The following DOCK1 variants were observed in gnomAD, a reference collection of about 807,000 sequenced individuals.
The protein encoded by DOCK1 is dedicator of cytokinesis 1, also known as dedicator of cytokinesis protein 1.
In DOCK1, 138 loss-of-function variants were observed where a neutral mutation model predicts 262.7. That is an observed-to-expected ratio of 0.53 (90% CI 0.46 to 0.61). The LOEUF is 0.61. DOCK1 is among the 20% of genes least tolerant of loss of function. The pLI is 0.00. For synonymous variants in DOCK1, 866 were observed against 867.4 expected (o/e 1.00, Z 0.03); for missense variants, 1,908 against 2,370.7 (o/e 0.80, Z 4.05).
chr10:127,259,164 A>G (rs1221757419), intron 29 of DOCK1, among the ~76,000 whole-genome samples: 1 of 152,180 alleles, frequency 6.6e-6, no homozygotes, highest in Non-Finnish European at 1.5e-5. Flanking sequence ...GCATTGCTGT[A>G]GCCTTAGCTC....
chr10:126,955,992 CAGGTCTGGTCAAGTCGGG>C (rs1191728822), intron 1 of DOCK1, among the ~76,000 whole-genome samples: 2 of 152,272 alleles, frequency 1.3e-5, no homozygotes, highest in African/African-American at 4.8e-5. Flanking sequence ...GCAGGCAGCC[CAGGTCTGGTCAAGTCGGG>C]AGCCTTGGCT....
chr10:127,011,677 T>C (rs1223140116), intron 11 of DOCK1, among the ~76,000 whole-genome samples: 1 of 152,034 alleles, frequency 6.6e-6, no homozygotes, highest in Non-Finnish European at 1.5e-5. Flanking sequence ...AGTGGTGTTC[T>C]CCACACACGG....
chr10:126,998,303 T>C (rs1412200743), intron 8 of DOCK1, 54 bp downstream of exon 8: 1 of 1,608,428 alleles, frequency 6.2e-7, no homozygotes, highest in African/African-American at 1.3e-5. Context: ...GTTAGGAACT[T>C]GGGATCAGAA....
At chr10:127,094,154 G>A (rs1403222693) in intron 23 of DOCK1, among the ~76,000 whole-genome samples, 2 of 152,082 alleles carry the variant, frequency 1.3e-5, no homozygotes, top group African/African-American at 2.4e-5. Flanking sequence ...TGATCATTCC[G>A]CAGCACTCCA....
rs1256993806 is a variant in DOCK1 at position 127,447,429 on chromosome 10, G to A, written c.5449G>A (p.Ala1817Thr). ...GAACGGCATGACGGGGGCGGACGTG[G>A]CCGATGTCCCACCCCCTCTGCCTCT... is the stretch of plus-strand genomic sequence containing the variant. ...ELNGMTGADV[A>T]DVPPPLPLKG... Residue 1817 changes from alanine to threonine, a missense_variant, in exon 51 of 52, where the codon GCC becomes ACC. Transcript: ENST00000623213. 8.1e-6 allele frequency: 13 copies of A among 1,613,166 alleles called. No homozygotes were observed. The highest frequency in any genetic ancestry group is 1.1e-5 in the Non-Finnish European group (13 of 1,179,588).
At chr10:127,037,670 A>C in intron 18 of DOCK1, 49 bp from the exon 19 acceptor site, 1 of 1,491,062 alleles carries the variant, frequency 6.7e-7, no homozygotes. Flanking sequence ...ACAGAGACAG[A>C]ACAGAGTTTC....
At chr10:127,045,068 C>T (rs1009841390) in intron 21 of DOCK1, among the ~76,000 whole-genome samples, 2 of 151,758 alleles carry the variant, frequency 1.3e-5, no homozygotes, top group Non-Finnish European at 2.9e-5. Context: ...CGTGGTGGCA[C>T]GTGCCTGTAG....
At chr10:127,289,334 A>G (rs2061270004) in intron 29 of DOCK1, among the ~76,000 whole-genome samples, 1 of 152,090 alleles carries the variant, frequency 6.6e-6, no homozygotes, top group Non-Finnish European at 1.5e-5. Flanking sequence ...TTGCATGCAT[A>G]TTCATATTTT....
intron 25 of DOCK1, among the ~76,000 whole-genome samples, chr10:127,120,426 A>G (rs1418621183): frequency 1.3e-5 from 2 of 152,248 alleles, no homozygotes; most frequent in Non-Finnish European, 2.9e-5. Flanking sequence ...AAATGAGGCA[A>G]TTGATGAAAT....
chr10:127,321,216 C>T (rs2062505729), intron 29 of DOCK1, among the ~76,000 whole-genome samples: 1 of 129,936 alleles, frequency 7.7e-6, no homozygotes, highest in Non-Finnish European at 1.7e-5. Flanking sequence ...TCTCCCTCTC[C>T]TCTCCTCCCC....
chr10:127,213,652 T>G (rs534314312), intron 27 of DOCK1, among the ~76,000 whole-genome samples: 2 of 152,332 alleles, frequency 1.3e-5, no homozygotes, highest in South Asian at 4.1e-4. Context: ...CATTACAGTG[T>G]TTTCCTAACT....
intron 49 of DOCK1, among the ~76,000 whole-genome samples, chr10:127,441,639 G>C (rs1171958293): frequency 6.6e-6 from 1 of 152,060 alleles, no homozygotes; most frequent in Non-Finnish European, 1.5e-5. Context: ...TGCGGGGGAG[G>C]AGGTTCACAG....
intron 27 of DOCK1, among the ~76,000 whole-genome samples, chr10:127,160,678 G>C (rs2053523133): frequency 6.6e-6 from 1 of 152,194 alleles, no homozygotes; most frequent in African/African-American, 2.4e-5. Flanking sequence ...TCAATTCAGA[G>C]GCTGTATCCT....
At chr10:127,148,924 A>T (rs779864609) in intron 27 of DOCK1, among the ~76,000 whole-genome samples, 26 of 152,172 alleles carry the variant, frequency 1.7e-4, no homozygotes, top group Non-Finnish European at 3.1e-4. Context: ...TTAGAAAAAG[A>T]TGTAGCTGTG....
At chr10:126,933,871 A>G (rs1010963680) in intron 1 of DOCK1, among the ~76,000 whole-genome samples, 5 of 152,168 alleles carry the variant, frequency 3.3e-5, no homozygotes, top group Middle Eastern at 3.4e-3. Flanking sequence ...CTGGAGTTCA[A>G]TGGTGTGATC....
chr10:126,942,535 G>A (rs1484428789), intron 1 of DOCK1, among the ~76,000 whole-genome samples: 1 of 152,124 alleles, frequency 6.6e-6, no homozygotes, highest in Non-Finnish European at 1.5e-5. Context: ...GAATGCGAGA[G>A]GAATGGATGG....
intron 32 of DOCK1, among the ~76,000 whole-genome samples, chr10:127,356,851 T>G (rs1253576312): frequency 6.6e-6 from 1 of 152,082 alleles, no homozygotes; most frequent in African/African-American, 2.4e-5. Flanking sequence ...GTGAGTCCAT[T>G]TTCTTCTGTG....
intron 27 of DOCK1, among the ~76,000 whole-genome samples, chr10:127,219,686 C>G (rs900045017): frequency 5.3e-5 from 8 of 152,176 alleles, no homozygotes; most frequent in African/African-American, 1.9e-4. Context: ...CTTCCTGTCT[C>G]TATGAGTTTG....
intron 27 of DOCK1, among the ~76,000 whole-genome samples, chr10:127,200,247 C>T (rs1198307871): frequency 6.6e-6 from 1 of 152,142 alleles, no homozygotes; most frequent in Non-Finnish European, 1.5e-5. Flanking sequence ...AGTGAAAGAA[C>T]AGCTACTCCA....
Sources: allele counts gnomAD v4.1 joint callset (sites outside exome capture counted in the v4.1 genomes callset), GRCh38; gene constraint gnomAD v4.1.1; transcripts MANE v1.5; gene names NCBI Gene and HGNC (gene_info 2026-07-23, HGNC 2026-07-21).